Variants in TG observed in about 807,000 individuals in gnomAD.
The protein encoded by TG is thyroid hormones.
Under a neutral mutation model 324.7 loss-of-function variants are expected in TG, and 270 were observed. The observed-to-expected ratio is 0.83, with a 90% confidence interval of 0.75 to 0.92. The LOEUF is 0.92. TG is among the 40% of genes least tolerant of loss of function. The probability of loss-of-function intolerance (pLI) is 0.00; values close to 1 mark genes in which losing one functional copy is unlikely to be tolerated. For missense variants in TG, 3,591 were observed against 3,456.4 expected (o/e 1.04, Z -0.98); for synonymous variants, 1,401 against 1,327.0 (o/e 1.06, Z -1.21).
At position 133,069,225 on chromosome 8, in the gene TG, A is replaced by G. The variant is rs114650264; in HGVS notation, c.7240-25819A>G. Reference sequence around the variant, plus strand: ...GTCCGTGATTTCTTTATTGCATCGTATTTCCCAGCAAGAGTTACTTTTCCT... The same window carrying G: ...GTCCGTGATTTCTTTATTGCATCGTGTTTCCCAGCAAGAGTTACTTTTCCT... On this transcript the variant is annotated intron_variant, in intron 41 of 47. Transcript: ENST00000220616. 5.0e-3 allele frequency among the ~76,000 whole-genome samples: 757 copies of G among 152,340 alleles called. 12 individuals are homozygous for G. The highest frequency in any genetic ancestry group is 0.017 in the African/African-American group (727 of 41,568).
chr8:132,954,770 G>T (rs1483191276), intron 27 of TG, among the ~76,000 whole-genome samples: 1 of 152,146 alleles, frequency 6.6e-6, no homozygotes, highest in Non-Finnish European at 1.5e-5. Context: ...TTACTGAGGG[G>T]GAGAGTAAGG....
chr8:132,897,914 C>A, intron 12 of TG, 128 bp downstream of exon 12: 2 of 1,222,822 alleles, frequency 1.6e-6, no homozygotes, highest in Non-Finnish European at 2.4e-6. Flanking sequence ...GTGAAAAATT[C>A]CTTAGCTTCT....
rs769197454 is a variant in TG, at chr8:132,887,030, G to A, written c.1658G>A (p.Gly553Asp). ...TMNKPTVGSFGFEINLQENQN... is the reference protein window; with the variant it reads ...TMNKPTVGSFDFEINLQENQN... The stretch of plus-strand genomic sequence containing the variant: ...AATAAGCCAACTGTGGGCAGCTTTG[G>A]CTTTGAAATTAACCTACAAGAGAAC... The change falls in exon 9 of 48, where the codon GGC becomes GAC. Residue 553 changes from glycine to aspartate, a missense_variant. By Grantham distance (94) the Gly-to-Asp change is moderately conservative. Coordinates refer to ENST00000220616, the MANE Select transcript of TG (RefSeq NM_003235.5). 3.7e-6 allele frequency: 6 copies of A among 1,614,202 alleles called. No homozygotes were observed. The highest frequency in any genetic ancestry group is 3.4e-6 in the Non-Finnish European group (4 of 1,180,050).
intron 5 of TG, among the ~76,000 whole-genome samples, chr8:132,875,844 A>AT (rs1839896694): frequency 6.6e-6 from 1 of 152,072 alleles, no homozygotes; most frequent in African/African-American, 2.4e-5. Context: ...GTAATCAGGG[A>AT]TTTTCCGATA....
At chr8:132,907,182 G>T (rs1210692401) in intron 17 of TG, among the ~76,000 whole-genome samples, 4 of 152,120 alleles carry the variant, frequency 2.6e-5, no homozygotes, top group Non-Finnish European at 4.4e-5. Context: ...GGATGTCTTG[G>T]ATTCAGGAAA....
rs781379201 is a variant in TG at position 132,892,659 on chromosome 8, GTGTA to G, written c.2762-1027_2762-1024del. 3.3e-5 allele frequency among the ~76,000 whole-genome samples: 5 copies of G among 152,310 alleles called. No homozygotes were observed. In the South Asian group the frequency reaches 6.2e-4, roughly 19 times the overall value. On this transcript the variant is annotated intron_variant, in intron 10 of 47. Coordinates refer to ENST00000220616, the MANE Select transcript of TG (RefSeq NM_003235.5). The stretch of plus-strand genomic sequence containing the variant: ...CGTGTGGGTGTGTATTGTGTAGTGT[GTGTA>G]TGTGTGTGCTGTGGTGGGTGTTTAT...
chr8:133,049,173 C>T (rs1350595069), intron 41 of TG: 1 of 456,556 alleles, frequency 2.2e-6, no homozygotes, highest in East Asian at 6.9e-5. Context: ...GCAGAGGCCT[C>T]ACTGGAACGA....
chr8:132,951,789 G>A (rs1826137922), intron 27 of TG, among the ~76,000 whole-genome samples: 1 of 152,182 alleles, frequency 6.6e-6, no homozygotes, highest in African/African-American at 2.4e-5. Context: ...CAAAATAAGA[G>A]GTCAGTCTTT....
rs746797329 is a variant in TG at position 133,017,723 on chromosome 8, G to C, written c.6563-55G>C. 1.4e-5 allele frequency: 21 copies of C among 1,491,690 alleles called. 3 individuals are homozygous for C. The Middle Eastern group carries it at 3.6e-3, about 255-fold the overall frequency. The allele number at this position is 1,491,690 out of a possible 1,614,324, so 92.4% of individuals were successfully genotyped here. A position where few individuals can be genotyped will look rare whatever the true frequency, so the allele number is the denominator to read the frequency against. Reference sequence around the variant, plus strand: ...CACATTCAGAATGCCAGTGGAGAGAGCACTCACTGAGGCCTCTCCCCTTCC... The same window carrying C: ...CACATTCAGAATGCCAGTGGAGAGACCACTCACTGAGGCCTCTCCCCTTCC... On this transcript the variant is annotated intron_variant, in intron 37 of 47. Transcript: ENST00000220616.
chr8:133,039,998 C>A, intron 41 of TG: 15 of 1,550,506 alleles, frequency 9.7e-6, no homozygotes, highest in Non-Finnish European at 1.3e-5. Context: ...CCATACTCAC[C>A]TGGACACTCT....
intron 32 of TG, 75 bp downstream of exon 32, chr8:132,969,644 T>A: frequency 8.5e-7 from 1 of 1,171,348 alleles, no homozygotes; most frequent in Non-Finnish European, 1.3e-6. Context: ...CAATCACAGC[T>A]AAAAACAGAA....
At chr8:133,126,431 A>T (rs528120252) in intron 45 of TG, among the ~76,000 whole-genome samples, 8 of 152,210 alleles carry the variant, frequency 5.3e-5, no homozygotes, top group Non-Finnish European at 1.2e-4. Flanking sequence ...GACAGCCGTT[A>T]TCATACTTTA....
At chr8:133,043,204 C>T (rs1216051892) in intron 41 of TG, among the ~76,000 whole-genome samples, 2 of 152,072 alleles carry the variant, frequency 1.3e-5, no homozygotes, top group African/African-American at 4.8e-5. Context: ...GAGATATTCC[C>T]CATGGTCAAG....
intron 5 of TG, among the ~76,000 whole-genome samples, chr8:132,879,278 G>A (rs1814302627): frequency 1.3e-5 from 2 of 152,190 alleles, no homozygotes; most frequent in Admixed American, 6.5e-5. Flanking sequence ...CCAAAGGACT[G>A]TGCTCTATTG....
intron 5 of TG, among the ~76,000 whole-genome samples, chr8:132,875,786 T>C (rs180214): frequency 1 from 151,761 of 152,338 alleles, 75,594 homozygotes; most frequent in Middle Eastern, 1. Flanking sequence ...ATTATGGTAT[T>C]GAAAGGTCAT....
intron 41 of TG, among the ~76,000 whole-genome samples, chr8:133,081,706 C>T (rs1845779400): frequency 6.8e-6 from 1 of 146,644 alleles, no homozygotes; most frequent in African/African-American, 2.5e-5. Context: ...CCCACTGCCT[C>T]CACATCGGGG....
At chr8:132,975,532 T>G (rs1830072979) in intron 34 of TG, among the ~76,000 whole-genome samples, 1 of 152,194 alleles carries the variant, frequency 6.6e-6, no homozygotes, top group African/African-American at 2.4e-5. Context: ...GACCAGAAAC[T>G]TAGAGCAGGG....
rs765583914 is a variant in TG, at chr8:132,873,165, C to A, written c.582C>A (p.Cys194Ter). 6.2e-7 allele frequency: 1 copy of A among 1,614,144 alleles called. No homozygotes were observed. The highest frequency in any genetic ancestry group is 1.3e-5 in the African/African-American group (1 of 75,038). The change falls in exon 5 of 48, where the codon TGC (cysteine) becomes TGA (stop). Residue 194 changes from cysteine (C) to a stop codon, truncating the protein, a stop_gained. Coordinates refer to ENST00000220616, the MANE Select transcript of TG (RefSeq NM_003235.5). LOFTEE classifies it high-confidence loss of function. ...SAEGEFMPVQ[C>*]KFVNTTDMMI... ...AGGGAGAGTTTATGCCTGTCCAGTG[C>A]AAATTTGTCAACACCACAGACATGA...
chr8:132,919,506 A>T lies in TG; in HGVS notation c.4509A>T (p.Gly1503=), dbSNP rs1378138737. Residue 1503 remains glycine, a synonymous_variant, in exon 21 of 48, where the codon GGA becomes GGT. Transcript: ENST00000220616. ...TGGGCAGAACGACCATTTCTGCTGG[A>T]GCTTTCAGCCAGACTCACTGTAAGT... ...CPVGRTTISA[G]AFSQTHCVTD... 1.2e-6 allele frequency: 2 copies of T among 1,613,802 alleles called. No homozygotes were observed. The highest frequency in any genetic ancestry group is 1.7e-6 in the Non-Finnish European group (2 of 1,179,892).
Sources: allele counts gnomAD v4.1 joint callset (sites outside exome capture counted in the v4.1 genomes callset), GRCh38; gene constraint gnomAD v4.1.1; transcripts MANE v1.5; gene names NCBI Gene and HGNC (gene_info 2026-07-23, HGNC 2026-07-21).